GSDMC: variants seen among roughly 807,000 people sequenced by gnomAD.
The protein encoded by GSDMC is gasdermin-C.
In GSDMC, 59 loss-of-function variants were observed where a neutral mutation model predicts 58.0. The observed-to-expected ratio is 1.02, with a 90% CI of 0.82 to 1.26. The LOEUF (loss-of-function observed/expected upper bound fraction) is 1.26. Among genes scored for constraint, GSDMC ranks in the 50% most tolerant of loss-of-function variants. The pLI, the probability that GSDMC is intolerant of heterozygous loss-of-function variation, is 0.00. For synonymous variants in GSDMC, 241 were observed against 220.2 expected (o/e 1.09, Z -0.83); for missense variants, 659 against 598.5 (o/e 1.10, Z -1.06).
intron 3 of GSDMC, among the ~76,000 whole-genome samples, chr8:129,768,529 T>A (rs1038027334): frequency 6.6e-6 from 1 of 152,166 alleles, no homozygotes; most frequent in Non-Finnish European, 1.5e-5. Context: ...AACCATTTTT[T>A]AAAAATCCTG....
the GSDMC span, among the ~76,000 whole-genome samples, chr8:129,727,363 A>G: frequency 6.6e-6 from 1 of 152,232 alleles, no homozygotes; most frequent in South Asian, 2.1e-4. Context: ...GAAAATGGGA[A>G]TCCACCAGAA....
chr8:129,749,933 G>A lies in GSDMC; in HGVS notation c.1213+57C>T. 3 of 1,444,582 alleles carry A rather than the reference G, an allele frequency of 2.1e-6. 1 individual carries two copies. In the South Asian group the frequency reaches 4.1e-5, roughly 20 times the overall value. 89.5% of individuals were successfully genotyped at this position (1,444,582 alleles called of 1,614,324 possible). On this transcript the variant is annotated intron_variant, in intron 12 of 13. Coordinates refer to ENST00000276708, the MANE Select transcript of GSDMC (RefSeq NM_031415.3). ...GACACAGCATCTAACACAGCTTTTTGCGGGTCCTGGGGACCAATCTTGTGA... is the reference window on the plus strand; with the variant it reads ...GACACAGCATCTAACACAGCTTTTTACGGGTCCTGGGGACCAATCTTGTGA...
chr8:129,723,419 CTTT>C, the GSDMC span, among the ~76,000 whole-genome samples: 1,120 of 133,364 alleles, frequency 8.4e-3, 4 homozygotes, highest in Admixed American at 0.017. Context: ...TTTTCTTCTC[CTTT>C]TTTTTTTTTT....
At chr8:129,725,741 T>A in the GSDMC span, among the ~76,000 whole-genome samples, 2 of 152,192 alleles carry the variant, frequency 1.3e-5, no homozygotes, top group African/African-American at 4.8e-5. Flanking sequence ...TATACACTAT[T>A]TAATTTATGT....
intron 3 of GSDMC, 73 bp downstream of exon 3, chr8:129,776,029 T>C (rs1183547460): frequency 1.7e-6 from 2 of 1,143,792 alleles, no homozygotes; most frequent in Non-Finnish European, 2.5e-6. Flanking sequence ...ACTTGCTAGA[T>C]GTATTTTTGT....
chr8:129,745,049 G>A (rs535368645), downstream of GSDMC, among the ~76,000 whole-genome samples: 2 of 152,206 alleles, frequency 1.3e-5, no homozygotes, highest in East Asian at 1.9e-4. Context: ...TGTCTCTCAC[G>A]GATTTCTTCC....
intron 12 of GSDMC, 107 bp downstream of exon 12, chr8:129,749,883 A>T: frequency 1.2e-6 from 1 of 866,412 alleles, no homozygotes; most frequent in Non-Finnish European, 1.8e-6. Flanking sequence ...AGGACGAAAG[A>T]TCATGGCATT....
intron 6 of GSDMC, among the ~76,000 whole-genome samples, chr8:129,759,992 A>G (rs1481595420): frequency 2.0e-5 from 3 of 152,210 alleles, no homozygotes; most frequent in Admixed American, 2.0e-4. Flanking sequence ...TATAAAGAAA[A>G]TATCAAACAT....
At chr8:129,730,545 T>TA in the GSDMC span, 1 of 392,384 alleles carries the variant, frequency 2.5e-6, no homozygotes, top group Non-Finnish European at 4.1e-6. Flanking sequence ...AAACATGAGT[T>TA]AACACAGTTG....
the GSDMC span, among the ~76,000 whole-genome samples, chr8:129,720,909 G>A: frequency 1.3e-5 from 2 of 152,186 alleles, no homozygotes; most frequent in African/African-American, 4.8e-5. Context: ...GTGGGAAACT[G>A]AAATAGATAC....
At chr8:129,754,757 G>T (rs1476875612) in intron 6 of GSDMC, among the ~76,000 whole-genome samples, 1 of 152,096 alleles carries the variant, frequency 6.6e-6, no homozygotes, top group South Asian at 2.1e-4. Flanking sequence ...ATTTAAAAAA[G>T]AAATTGAAAT....
At chr8:129,747,430 G>A (rs1392300306), downstream of GSDMC, among the ~76,000 whole-genome samples, 1 of 152,138 alleles carries the variant, frequency 6.6e-6, no homozygotes, top group African/African-American at 2.4e-5. Flanking sequence ...AGTAAACACT[G>A]TTTAAAAGTG....
the GSDMC span, among the ~76,000 whole-genome samples, chr8:129,723,348 C>A: frequency 1.3e-5 from 2 of 151,978 alleles, no homozygotes; most frequent in East Asian, 3.9e-4. Flanking sequence ...TCAAGCTATT[C>A]TCATGCCTCA....
At chr8:129,740,926 T>C in the GSDMC span, among the ~76,000 whole-genome samples, 1 of 152,196 alleles carries the variant, frequency 6.6e-6, no homozygotes, top group Non-Finnish European at 1.5e-5. Context: ...CCCAGACCAG[T>C]GTCATGGAGC....
the GSDMC span, among the ~76,000 whole-genome samples, chr8:129,713,618 C>G: frequency 6.6e-6 from 1 of 152,104 alleles, no homozygotes; most frequent in African/African-American, 2.4e-5. Context: ...GAACAAGGAT[C>G]CAATGAGCTT....
the GSDMC span, among the ~76,000 whole-genome samples, chr8:129,738,861 T>C: frequency 6.6e-6 from 1 of 151,992 alleles, no homozygotes; most frequent in Non-Finnish European, 1.5e-5. Context: ...AAGGAAGAGA[T>C]AAACATCTTA....
Position 129,752,622 on chromosome 8 carries a change from C to A in GSDMC, c.844+76G>T, listed in dbSNP as rs1416905921. Reference sequence around the variant, plus strand: ...ACATGGTTCATACACCCCACATAAACACCAAATTTTAACAACTATCTGCAC... The same window carrying A: ...ACATGGTTCATACACCCCACATAAAAACCAAATTTTAACAACTATCTGCAC... On this transcript the variant is annotated intron_variant, in intron 7 of 13. Coordinates refer to ENST00000276708, the MANE Select transcript of GSDMC (RefSeq NM_031415.3). 3.8e-6 allele frequency: 6 copies of A among 1,565,420 alleles called. No homozygotes were observed. In the Admixed American group the frequency reaches 1.1e-4, roughly 29 times the overall value.
At chr8:129,734,876 TAA>T in the GSDMC span, among the ~76,000 whole-genome samples, 1 of 152,112 alleles carries the variant, frequency 6.6e-6, no homozygotes, top group Non-Finnish European at 1.5e-5. Flanking sequence ...GCAAATTGGA[TAA>T]AGAGTCAAGA....
the GSDMC span, among the ~76,000 whole-genome samples, chr8:129,712,004 A>G: frequency 6.6e-6 from 1 of 152,160 alleles, no homozygotes; most frequent in Non-Finnish European, 1.5e-5. Flanking sequence ...CATCCACAGT[A>G]CCAGCTACTT....
Sources: gnomAD v4.1 joint callset for allele counts (sites outside exome capture counted in the v4.1 genomes callset) on GRCh38, gnomAD v4.1.1 for gene constraint, MANE v1.5 for transcripts, NCBI Gene and HGNC (gene_info 2026-07-23, HGNC 2026-07-21) for gene names.